FANCC: variants seen among roughly 807,000 people sequenced by gnomAD.
FANCC encodes the protein FA complementation group C, also known as Fanconi anemia group C protein.
In FANCC, 55 loss-of-function variants were observed where a neutral mutation model predicts 71.3. The observed-to-expected ratio is 0.77, with a 90% confidence interval of 0.62 to 0.97. The LOEUF (loss-of-function observed/expected upper bound fraction) is 0.97. Ranked by LOEUF, FANCC falls within the 50% of genes least tolerant of loss-of-function variation. The pLI, the probability that FANCC is intolerant of heterozygous loss-of-function variation, is 0.00. For synonymous variants in FANCC, 275 were observed against 244.9 expected (o/e 1.12, Z -1.15); for missense variants, 678 against 670.9 (o/e 1.01, Z -0.12).
At chr9:95,303,076 T>C (rs1886992) in intron 1 of FANCC, among the ~76,000 whole-genome samples, 34,343 of 152,136 alleles carry the variant, frequency 0.23, 5,036 homozygotes, top group Non-Finnish European at 0.33. Flanking sequence ...TAGAATACGG[T>C]TGTACAGCCA....
intron 4 of FANCC, among the ~76,000 whole-genome samples, chr9:95,208,973 G>T (rs1828321203): frequency 6.6e-6 from 1 of 152,178 alleles, no homozygotes; most frequent in African/African-American, 2.4e-5. Flanking sequence ...AGTAAACACA[G>T]ATGTTTTACT....
intron 1 of FANCC, among the ~76,000 whole-genome samples, chr9:95,313,454 C>T (rs1482521405): frequency 5.3e-5 from 8 of 152,214 alleles, no homozygotes; most frequent in Non-Finnish European, 1.0e-4. Flanking sequence ...CACACGCATG[C>T]GTGCGCTGGA....
chr9:95,181,738 T>C (rs770988282), intron 4 of FANCC, among the ~76,000 whole-genome samples: 5 of 152,214 alleles, frequency 3.3e-5, no homozygotes, highest in Non-Finnish European at 5.9e-5. Flanking sequence ...GTAGAAAGTA[T>C]GGGAACCAAG....
intron 6 of FANCC, among the ~76,000 whole-genome samples, chr9:95,163,359 A>G (rs1445565949): frequency 3.9e-5 from 6 of 152,216 alleles, no homozygotes; most frequent in Non-Finnish European, 7.4e-5. Flanking sequence ...CTTTGAAAAA[A>G]GGAAGTATGA....
At chr9:95,189,217 A>G (rs1021865788) in intron 4 of FANCC, among the ~76,000 whole-genome samples, 29 of 151,934 alleles carry the variant, frequency 1.9e-4, no homozygotes, top group African/African-American at 6.8e-4. Flanking sequence ...TTTAAAATTT[A>G]TATGTCCCAT....
At chr9:95,138,344 T>A (rs962426276) in intron 7 of FANCC, among the ~76,000 whole-genome samples, 1 of 152,152 alleles carries the variant, frequency 6.6e-6, no homozygotes. Context: ...ATGCCCCTTG[T>A]GAAGAGGAAA....
At chr9:95,127,972 C>A (rs1422027784) in intron 8 of FANCC, among the ~76,000 whole-genome samples, 1 of 152,232 alleles carries the variant, frequency 6.6e-6, no homozygotes, top group Non-Finnish European at 1.5e-5. Context: ...GCTCCCTCAT[C>A]CTTCACTGAT....
chr9:95,299,658 C>T (rs957292477), intron 1 of FANCC, among the ~76,000 whole-genome samples: 3 of 152,206 alleles, frequency 2.0e-5, no homozygotes, highest in East Asian at 1.9e-4. Flanking sequence ...TCCAGGAGTT[C>T]GAGACCAGCC....
intron 6 of FANCC, among the ~76,000 whole-genome samples, chr9:95,162,778 C>T (rs1830828074): frequency 6.6e-6 from 1 of 152,160 alleles, no homozygotes; most frequent in South Asian, 2.1e-4. Flanking sequence ...AATGTCTATT[C>T]AAGTCTTTGA....
rs869093626 is a variant in FANCC at position 95,271,927 on chromosome 9, C to CTTTTTTTTTTT, written c.-78-22569_-78-22559dup. On this transcript the variant is annotated intron_variant, in intron 1 of 14. Coordinates refer to ENST00000289081, the MANE Select transcript of FANCC (RefSeq NM_000136.3). ...TTCCATCAATCCCATCAAGCCTCTTCTTTTTTTTTTTTTTTTTTTTTTTTT... is the reference window on the plus strand; with the variant it reads ...TTCCATCAATCCCATCAAGCCTCTTCTTTTTTTTTTTTTTTTTTTTTTTTTTTTTTTTTTTT... Among the ~76,000 whole-genome samples, 414 of 50,514 alleles carry CTTTTTTTTTTT rather than the reference C, an allele frequency of 8.2e-3. 117 individuals are homozygous for CTTTTTTTTTTT. The highest frequency in any genetic ancestry group is 0.015 in the African/African-American group (199 of 12,984). 33.1% of individuals were successfully genotyped at this position (50,514 alleles called of 152,430 possible).
At chr9:95,291,967 A>AAAAAATATATATATAT (rs1441757988) in intron 1 of FANCC, among the ~76,000 whole-genome samples, 1 of 50,410 alleles carries the variant, frequency 2.0e-5, no homozygotes, top group Non-Finnish European at 3.4e-5. Context: ...AAAAAAAAAA[A>AAAAAATATATATATAT]ATATATATAT....
chr9:95,126,719 C>A, intron 8 of FANCC, 138 bp from the exon 9 acceptor site: 1 of 838,888 alleles, frequency 1.2e-6, no homozygotes, highest in Non-Finnish European at 2.0e-6. Context: ...GAAGAACGAA[C>A]CACTGCTGTA....
intron 1 of FANCC, among the ~76,000 whole-genome samples, chr9:95,250,340 C>G (rs1412523116): frequency 6.6e-6 from 1 of 152,066 alleles, no homozygotes; most frequent in Non-Finnish European, 1.5e-5. Context: ...AAATCCTCAA[C>G]AACCATAATT....
chr9:95,105,439 CAAATA>C (rs1047066139), intron 14 of FANCC, among the ~76,000 whole-genome samples: 6 of 152,176 alleles, frequency 3.9e-5, no homozygotes, highest in East Asian at 3.9e-4. Flanking sequence ...AACAAAAGTA[CAAATA>C]AAATAAAAAA....
At chr9:95,220,488 A>T (rs1202103412) in intron 4 of FANCC, among the ~76,000 whole-genome samples, 1 of 152,220 alleles carries the variant, frequency 6.6e-6, no homozygotes, top group African/African-American at 2.4e-5. Context: ...ACAATGATAG[A>T]CTGGATTAAG....
chr9:95,291,238 G>C (rs1420603269), intron 1 of FANCC, among the ~76,000 whole-genome samples: 2 of 152,080 alleles, frequency 1.3e-5, no homozygotes, highest in African/African-American at 2.4e-5. Context: ...AATTAGGTAA[G>C]AGAAAGAAAG....
At chr9:95,111,766 G>A (rs2071956302) in intron 12 of FANCC, 129 bp from the exon 13 acceptor site, 2 of 1,037,800 alleles carry the variant, frequency 1.9e-6, no homozygotes, top group African/African-American at 1.6e-5. Flanking sequence ...CAACCTGCAA[G>A]GAATACAATT....
At position 95,126,694 on chromosome 9, in the gene FANCC, T is replaced by A. The variant is rs1826027545; in HGVS notation, c.844-113A>T. On this transcript the variant is annotated intron_variant, in intron 8 of 14. Transcript: ENST00000289081. ...ACTGCTGATGTCCAGAAAACTGGCATACTCCTTTTGGTTAGAAGAACGAAC... is the reference window on the plus strand; with the variant it reads ...ACTGCTGATGTCCAGAAAACTGGCAAACTCCTTTTGGTTAGAAGAACGAAC... 5 of 1,090,072 alleles carry A rather than the reference T, an allele frequency of 4.6e-6. No individual in the cohort carries two copies. The South Asian group carries it at 6.6e-5, about 14-fold the overall frequency. The allele number at this position is 1,090,072 out of a possible 1,614,324, so 67.5% of individuals were successfully genotyped here.
At chr9:95,251,912 T>C (rs1003771775) in intron 1 of FANCC, among the ~76,000 whole-genome samples, 1 of 152,216 alleles carries the variant, frequency 6.6e-6, no homozygotes, top group Non-Finnish European at 1.5e-5. Flanking sequence ...AAGTAACTGC[T>C]AGTTAACAGC....
Sources: allele counts gnomAD v4.1 joint callset (sites outside exome capture counted in the v4.1 genomes callset), GRCh38; gene constraint gnomAD v4.1.1; transcripts MANE v1.5; gene names NCBI Gene and HGNC (gene_info 2026-07-23, HGNC 2026-07-21).